PIGK: variants seen among roughly 807,000 people sequenced by gnomAD.
PIGK encodes the protein phosphatidylinositol glycan anchor biosynthesis class K, also known as GPI-anchor transamidase.
Under a neutral mutation model 50.6 loss-of-function variants are expected in PIGK, and 42 were observed. That is an observed-to-expected ratio of 0.83 (90% confidence interval 0.65 to 1.07). The LOEUF (loss-of-function observed/expected upper bound fraction) is 1.07, where lower values mean the gene tolerates loss of function less well. Ranked by LOEUF, PIGK falls within the 50% of genes least tolerant of loss-of-function variation. PIGK has a pLI of 0.00. For missense variants in PIGK, 448 were observed against 488.7 expected, an observed-to-expected ratio of 0.92 and a Z score of 0.78; for synonymous variants, 151 against 156.0, an observed-to-expected ratio of 0.97 and a Z score of 0.24.
At chr1:77,117,119 C>T (rs1242060333) in intron 10 of PIGK, among the ~76,000 whole-genome samples, 1 of 152,184 alleles carries the variant, frequency 6.6e-6, no homozygotes, top group African/African-American at 2.4e-5. Flanking sequence ...ACTCTTTAAA[C>T]TTCTACACAA....
At chr1:77,116,562 CTGTGTGTGTGTGTG>C (rs763119489) in intron 10 of PIGK, among the ~76,000 whole-genome samples, 1 of 134,978 alleles carries the variant, frequency 7.4e-6, no homozygotes, top group Non-Finnish European at 1.5e-5. Flanking sequence ...AAATGTGTCT[CTGTGTGTGTGTGTG>C]TGTGTGTGTG....
chr1:77,172,170 G>A (rs189238343), intron 3 of PIGK, among the ~76,000 whole-genome samples: 3 of 149,848 alleles, frequency 2.0e-5, no homozygotes, highest in African/African-American at 7.4e-5. Flanking sequence ...GAGTCCTGGT[G>A]GACAAACCAC....
intron 3 of PIGK, among the ~76,000 whole-genome samples, chr1:77,171,166 G>A (rs988525641): frequency 3.9e-5 from 6 of 152,050 alleles, no homozygotes; most frequent in Non-Finnish European, 8.8e-5. Context: ...GCCAGGCACA[G>A]TGGCTCACGC....
At chr1:77,114,767 G>T (rs111726952) in intron 10 of PIGK, among the ~76,000 whole-genome samples, 1 of 152,134 alleles carries the variant, frequency 6.6e-6, no homozygotes, top group Non-Finnish European at 1.5e-5. Context: ...CTGATATTAA[G>T]AGATTAGCCC....
chr1:77,174,909 C>G (rs952109524), intron 3 of PIGK, among the ~76,000 whole-genome samples: 8 of 121,012 alleles, frequency 6.6e-5, no homozygotes, highest in Admixed American at 9.0e-5. Context: ...AATCTTACAA[C>G]TACTGGATCT....
chr1:77,170,315 A>C (rs1381343989), intron 3 of PIGK, among the ~76,000 whole-genome samples: 2 of 152,162 alleles, frequency 1.3e-5, no homozygotes, highest in African/African-American at 4.8e-5. Context: ...TACCACCCAC[A>C]TTCTCTATGC....
intron 3 of PIGK, among the ~76,000 whole-genome samples, chr1:77,186,951 A>T (rs553320609): frequency 6.6e-6 from 1 of 152,298 alleles, no homozygotes; most frequent in African/African-American, 2.4e-5. Context: ...CACTGGAATA[A>T]ACACTTACTC....
intron 9 of PIGK, among the ~76,000 whole-genome samples, chr1:77,144,248 A>G (rs1654717431): frequency 1.3e-5 from 2 of 151,988 alleles, no homozygotes. Context: ...TAATATTACA[A>G]TTAGTGCAAA....
At chr1:77,118,512 C>T (rs143680102) in intron 10 of PIGK, among the ~76,000 whole-genome samples, 1 of 152,280 alleles carries the variant, frequency 6.6e-6, no homozygotes, top group East Asian at 1.9e-4. Flanking sequence ...TCAAATATAT[C>T]AATTTTCCTT....
intron 10 of PIGK, among the ~76,000 whole-genome samples, chr1:77,097,250 G>A (rs1013797414): frequency 2.0e-5 from 3 of 152,130 alleles, no homozygotes; most frequent in South Asian, 4.1e-4. Flanking sequence ...ATAGTCTTCC[G>A]GAAAGAGAGA....
At chr1:77,166,896 T>C in intron 4 of PIGK, 66 bp from the exon 5 acceptor site, 2 of 788,048 alleles carry the variant, frequency 2.5e-6, no homozygotes, top group East Asian at 5.2e-5. Context: ...AAATTACTTT[T>C]TACTTTCAAA....
rs1168321382 is a variant in PIGK, at chr1:77,209,172, T to C, written c.147+1264A>G. Among the ~76,000 whole-genome samples the C allele has an allele frequency of 2.0e-5, 3 of 152,304 alleles. No homozygotes were observed. The East Asian group carries it at 5.8e-4, about 29-fold the overall frequency. On this transcript the variant is annotated intron_variant, in intron 2 of 10. Coordinates refer to ENST00000370812, the MANE Select transcript of PIGK (RefSeq NM_005482.3). ...CCATTGTTTCTTCCAGTCCAATCCT[T>C]GTACATGTTTTTTCATTAAGTCAAC...
intron 3 of PIGK, among the ~76,000 whole-genome samples, chr1:77,185,000 T>C (rs1655706170): frequency 6.6e-6 from 1 of 152,200 alleles, no homozygotes; most frequent in South Asian, 2.1e-4. Context: ...AGATGGATCT[T>C]GGAGAATGAC....
intron 10 of PIGK, among the ~76,000 whole-genome samples, chr1:77,106,800 T>C (rs1653692486): frequency 6.6e-6 from 1 of 152,110 alleles, no homozygotes; most frequent in East Asian, 1.9e-4. Context: ...CAATATATAA[T>C]TTATACATCT....
intron 3 of PIGK, among the ~76,000 whole-genome samples, chr1:77,185,329 G>A (rs1655714479): frequency 6.6e-6 from 1 of 152,184 alleles, no homozygotes; most frequent in Admixed American, 6.5e-5. Flanking sequence ...TTACATTGAT[G>A]ACATTATGCT....
At chr1:77,214,955 T>G (rs982824219) in intron 1 of PIGK, among the ~76,000 whole-genome samples, 2 of 151,674 alleles carry the variant, frequency 1.3e-5, no homozygotes. Context: ...AAGTGAAAAA[T>G]CTCTACAATG....
intron 10 of PIGK, among the ~76,000 whole-genome samples, chr1:77,093,636 C>T: frequency 6.6e-6 from 1 of 152,048 alleles, no homozygotes; most frequent in South Asian, 2.1e-4. Context: ...ATAAACTGAC[C>T]TACCAACGTT....
chr1:77,102,368 G>C (rs1043923437), intron 10 of PIGK, among the ~76,000 whole-genome samples: 1 of 152,166 alleles, frequency 6.6e-6, no homozygotes, highest in Non-Finnish European at 1.5e-5. Context: ...CTAATCCATT[G>C]ACCTTAAAAT....
At chr1:77,096,881 C>CTTTTTTTTTTTTTTTTTGTTTT (rs141858558) in intron 10 of PIGK, among the ~76,000 whole-genome samples, 2 of 124,326 alleles carry the variant, frequency 1.6e-5, no homozygotes, top group Admixed American at 7.8e-5. Context: ...TCGGGTTTTT[C>CTTTTTTTTTTTTTTTTTGTTTT]TTTTTTTTTT....
Sources: gnomAD v4.1 joint callset for allele counts (sites outside exome capture counted in the v4.1 genomes callset) on GRCh38, gnomAD v4.1.1 for gene constraint, MANE v1.5 for transcripts, NCBI Gene and HGNC (gene_info 2026-07-23, HGNC 2026-07-21) for gene names.